CDIN1: variants seen among roughly 807,000 people sequenced by gnomAD.
The protein encoded by CDIN1 is CDAN1-interacting nuclease 1.
CDIN1 carries 33 observed loss-of-function variants against 45.3 expected under a neutral mutation model. The ratio of observed to expected loss-of-function variants is 0.73; its 90% CI spans 0.55 to 0.97. The LOEUF (loss-of-function observed/expected upper bound fraction) is 0.97. Ranked by LOEUF, CDIN1 falls within the 50% of genes least tolerant of loss-of-function variation. The probability of loss-of-function intolerance (pLI) is 0.00; values close to 1 mark genes in which losing one functional copy is unlikely to be tolerated. For missense variants in CDIN1, 303 were observed against 339.4 expected (o/e 0.89, Z 0.84); for synonymous variants, 118 against 124.4 (o/e 0.95, Z 0.34).
intron 1 of CDIN1, among the ~76,000 whole-genome samples, chr15:36,600,154 A>G (rs1434688970): frequency 2.0e-5 from 3 of 152,172 alleles, no homozygotes; most frequent in Non-Finnish European, 4.4e-5. Flanking sequence ...CTGTCCTATG[A>G]ATGAATTTAG....
intron 1 of CDIN1, among the ~76,000 whole-genome samples, chr15:36,584,091 C>G (rs1475913750): frequency 6.6e-6 from 1 of 152,108 alleles, no homozygotes; most frequent in Non-Finnish European, 1.5e-5. Flanking sequence ...TGAGCCTAAA[C>G]AAGTAAGATA....
chr15:36,617,646 T>G, intron 1 of CDIN1: 1 of 767,044 alleles, frequency 1.3e-6, no homozygotes, highest in Non-Finnish European at 2.4e-6. Flanking sequence ...TACAAATTGA[T>G]GAGAAGGGTA....
intron 10 of CDIN1, among the ~76,000 whole-genome samples, chr15:36,730,505 G>A (rs1325222321): frequency 1.3e-5 from 2 of 152,038 alleles, no homozygotes; most frequent in African/African-American, 4.8e-5. Context: ...GAGTAAGAGT[G>A]TTCAATCTCT....
intron 10 of CDIN1, among the ~76,000 whole-genome samples, chr15:36,773,989 A>G (rs2054144072): frequency 6.6e-6 from 1 of 152,150 alleles, no homozygotes; most frequent in Non-Finnish European, 1.5e-5. Context: ...TGTCCTCCTG[A>G]AGTTGAACTG....
intron 3 of CDIN1, among the ~76,000 whole-genome samples, chr15:36,653,396 G>C (rs553205837): frequency 5.5e-4 from 84 of 151,746 alleles, no homozygotes; most frequent in Admixed American, 5.2e-3. Context: ...ATTTAATCTT[G>C]AGATTTAATG....
chr15:36,630,491 A>G (rs1424901174), intron 1 of CDIN1, among the ~76,000 whole-genome samples: 2 of 152,196 alleles, frequency 1.3e-5, no homozygotes, highest in Non-Finnish European at 2.9e-5. Flanking sequence ...GATTTTTCCA[A>G]TTAGATTTTA....
At chr15:36,760,630 C>T (rs1224255063) in intron 10 of CDIN1, among the ~76,000 whole-genome samples, 2 of 152,108 alleles carry the variant, frequency 1.3e-5, no homozygotes, top group Non-Finnish European at 2.9e-5. Context: ...TATTCATTTC[C>T]CAACTCCATC....
chr15:36,751,888 A>G (rs1422835123), intron 10 of CDIN1, among the ~76,000 whole-genome samples: 1 of 152,218 alleles, frequency 6.6e-6, no homozygotes, highest in African/African-American at 2.4e-5. Context: ...TCAGCAAACT[A>G]ACGCAGGAAC....
chr15:36,764,124 G>T (rs2053847892), intron 10 of CDIN1, among the ~76,000 whole-genome samples: 1 of 151,814 alleles, frequency 6.6e-6, no homozygotes, highest in African/African-American at 2.4e-5. Flanking sequence ...TTTACCTGTT[G>T]TGATAAATTA....
intron 5 of CDIN1, among the ~76,000 whole-genome samples, chr15:36,673,521 G>A (rs1469117793): frequency 2.0e-5 from 3 of 152,054 alleles, no homozygotes; most frequent in Non-Finnish European, 4.4e-5. Context: ...AACAAATGTT[G>A]CCTTCTAATG....
chr15:36,659,438 A>G (rs1311581858), intron 5 of CDIN1, among the ~76,000 whole-genome samples: 1 of 152,200 alleles, frequency 6.6e-6, no homozygotes, highest in African/African-American at 2.4e-5. Flanking sequence ...GAGCATATTT[A>G]GAAACATACC....
chr15:36,741,747 A>G (rs1341565007), intron 10 of CDIN1, among the ~76,000 whole-genome samples: 1 of 152,058 alleles, frequency 6.6e-6, no homozygotes, highest in Non-Finnish European at 1.5e-5. Context: ...TCTGTGTCCA[A>G]GTTTCTTCTT....
chr15:36,703,373 T>G lies in CDIN1; in HGVS notation c.545-5850T>G, dbSNP rs74624367. Among the ~76,000 whole-genome samples the G allele has an allele frequency of 1.6e-3, 51 of 32,430 alleles. 1 individual carries two copies. The highest frequency in any genetic ancestry group is 9.2e-3 in the East Asian group (7 of 764). The allele number at this position is 32,430 out of a possible 152,430, so 21.3% of individuals were successfully genotyped here. A position where few individuals can be genotyped will look rare whatever the true frequency, so the allele number is the denominator to read the frequency against. ...ATACATATATCAGATAGATCTATCA[T>G]ATATATATATATCAGATATATATAT... On this transcript the variant is annotated intron_variant, in intron 8 of 10. Transcript: ENST00000566621.
Position 36,647,601 on chromosome 15 carries a change from T to A in CDIN1, c.212+2314T>A, listed in dbSNP as rs142698193. 2.5e-3 allele frequency: 375 copies of A among 152,318 alleles called. 3 individuals carry two copies. The highest frequency in any genetic ancestry group is 6.8e-3 in the Middle Eastern group (2 of 294). 9.4% of individuals were successfully genotyped at this position (152,318 alleles called of 1,614,324 possible). On this transcript the variant is annotated intron_variant, in intron 3 of 10. Transcript: ENST00000566621. ...CCATGTTGTTACCTTTCAGATGGATTGACCTCAGTAGCCTTTTGTTGGAAA... is the reference window on the plus strand; with the variant it reads ...CCATGTTGTTACCTTTCAGATGGATAGACCTCAGTAGCCTTTTGTTGGAAA...
intron 10 of CDIN1, among the ~76,000 whole-genome samples, chr15:36,760,992 T>C (rs550746194): frequency 6.6e-6 from 1 of 152,320 alleles, no homozygotes; most frequent in South Asian, 2.1e-4. Flanking sequence ...ACACTCTCAT[T>C]GTTACTTTCC....
At chr15:36,613,925 C>A in intron 1 of CDIN1, 2 of 1,550,576 alleles carry the variant, frequency 1.3e-6, no homozygotes, top group East Asian at 4.5e-5. Context: ...CTGGCAGAGC[C>A]CCATTGCCGA....
chr15:36,632,600 G>A (rs1225477364), intron 1 of CDIN1, among the ~76,000 whole-genome samples: 2 of 152,162 alleles, frequency 1.3e-5, no homozygotes, highest in African/African-American at 2.4e-5. Flanking sequence ...GCGTTTCTCT[G>A]CATCTCACAC....
chr15:36,667,117 T>C (rs895861313), intron 5 of CDIN1, among the ~76,000 whole-genome samples: 52 of 152,194 alleles, frequency 3.4e-4, no homozygotes, highest in Non-Finnish European at 5.4e-4. Context: ...CAGTTTTGTC[T>C]TCTGAAAGTT....
intron 1 of CDIN1, chr15:36,618,969 G>GC: frequency 6.5e-7 from 1 of 1,544,686 alleles, no homozygotes; most frequent in Non-Finnish European, 8.8e-7. Flanking sequence ...TGTGCCAGAA[G>GC]CCCCCTAAAG....
Sources: gnomAD v4.1 joint callset for allele counts (sites outside exome capture counted in the v4.1 genomes callset) on GRCh38, gnomAD v4.1.1 for gene constraint, MANE v1.5 for transcripts, NCBI Gene and HGNC (gene_info 2026-07-23, HGNC 2026-07-21) for gene names.